Variants in WDR19 observed in about 807,000 individuals in gnomAD.
WDR19 encodes the protein WD repeat-containing protein 19.
In WDR19, 121 loss-of-function variants were observed where a neutral mutation model predicts 180.0. That is an observed-to-expected ratio of 0.67 (90% CI 0.58 to 0.78). WDR19 has a LOEUF of 0.78. Among genes scored for constraint, WDR19 ranks in the 30% least tolerant of loss-of-function variants. WDR19 has a pLI of 0.00. For synonymous variants in WDR19, 497 were observed against 540.7 expected (o/e 0.92, Z 1.12); for missense variants, 1,450 against 1,640.7 (o/e 0.88, Z 2.01).
chr4:39,201,302 T>C (rs936891263), intron 6 of WDR19, among the ~76,000 whole-genome samples: 1 of 152,106 alleles, frequency 6.6e-6, no homozygotes, highest in Non-Finnish European at 1.5e-5. Flanking sequence ...GTGTAAGAAA[T>C]TTGTAAAGGA....
intron 27 of WDR19, among the ~76,000 whole-genome samples, 200 bp from the exon 28 acceptor site, chr4:39,257,286 G>A (rs1349863320): frequency 6.6e-6 from 1 of 152,154 alleles, no homozygotes; most frequent in African/African-American, 2.4e-5. Context: ...TCTTCAGAGG[G>A]TTAACTGGGT....
chr4:39,221,836 T>C (rs78097758), intron 14 of WDR19, among the ~76,000 whole-genome samples: 1 of 152,252 alleles, frequency 6.6e-6, no homozygotes. Flanking sequence ...TGCTGTTGTG[T>C]GTGTCAGTAA....
chr4:39,233,500 C>A (rs554861230), intron 19 of WDR19, among the ~76,000 whole-genome samples: 2 of 152,128 alleles, frequency 1.3e-5, no homozygotes, highest in African/African-American at 4.8e-5. Context: ...TAGCACAGTG[C>A]CTGATCAATA....
Position 39,235,450 on chromosome 4 carries a change from A to G in WDR19, c.2363+575A>G, listed in dbSNP as rs149941416. 1.8e-4 allele frequency among the ~76,000 whole-genome samples: 28 copies of G among 152,240 alleles called. No individual in the cohort carries two copies. The East Asian group carries it at 5.4e-3, about 29-fold the overall frequency. On this transcript the variant is annotated intron_variant, in intron 20 of 36. Transcript: ENST00000399820. ...CAGCCTAATTATTATTTTTAATCAC[A>G]TGTGGCCATCAACAACTATGCATAG...
chr4:39,281,234 TATAGAGAGAG>T (rs1177219239), intron 36 of WDR19, among the ~76,000 whole-genome samples: 1 of 108,344 alleles, frequency 9.2e-6, no homozygotes, highest in Non-Finnish European at 1.8e-5. Flanking sequence ...TATATATATA[TATAGAGAGAG>T]AGAGAGAGAG....
At chr4:39,249,601 G>A (rs1732924541) in intron 24 of WDR19, among the ~76,000 whole-genome samples, 1 of 152,096 alleles carries the variant, frequency 6.6e-6, no homozygotes, top group African/African-American at 2.4e-5. Flanking sequence ...CCACTAGCAA[G>A]GCTAATAAAG....
At chr4:39,252,148 C>A (rs904595274) in intron 24 of WDR19, among the ~76,000 whole-genome samples, 1 of 151,610 alleles carries the variant, frequency 6.6e-6, no homozygotes, top group African/African-American at 2.4e-5. Flanking sequence ...GAAAATGTGG[C>A]ACATATACAT....
chr4:39,213,681 C>T (rs1477225723), intron 9 of WDR19, among the ~76,000 whole-genome samples: 1 of 152,288 alleles, frequency 6.6e-6, no homozygotes, highest in Non-Finnish European at 1.5e-5. Context: ...TCTCATGAAT[C>T]TCATGTGTGA....
intron 4 of WDR19, among the ~76,000 whole-genome samples, chr4:39,190,451 A>G (rs1309039626): frequency 2.0e-5 from 3 of 152,220 alleles, no homozygotes; most frequent in African/African-American, 7.2e-5. Context: ...AGCATTTCCA[A>G]CTAAAACTTT....
intron 29 of WDR19, among the ~76,000 whole-genome samples, chr4:39,267,600 T>C (rs1297505461): frequency 6.6e-6 from 1 of 152,240 alleles, no homozygotes; most frequent in Non-Finnish European, 1.5e-5. Context: ...TCATATATCA[T>C]GTAAGAATAT....
chr4:39,244,925 CTTTTTTTTTTTTCT>C (rs1732349683), intron 23 of WDR19, among the ~76,000 whole-genome samples: 1 of 133,892 alleles, frequency 7.5e-6, no homozygotes, highest in Non-Finnish European at 1.6e-5. Flanking sequence ...GATTTTCTTT[CTTTTTTTTTTTTCT>C]TTTTTTTTTT....
chr4:39,232,228 C>G lies in WDR19; in HGVS notation c.2209C>G (p.Gln737Glu), dbSNP rs1350826986. Residue 737 changes from glutamine to glutamate, a missense_variant, in exon 19 of 37, where the codon CAG becomes GAG. By Grantham distance (29) the Gln-to-Glu change is conservative. Coordinates refer to ENST00000399820, the MANE Select transcript of WDR19 (RefSeq NM_025132.4). The part of the protein sequence containing the change: ...AMFTNDYNLA[Q>E]DLYLASSCPI... ...GTTTACCAACGATTATAACCTGGCT[C>G]AGGACTTGTACCTTGCATCCAGCTG... 9.9e-6 allele frequency: 16 copies of G among 1,613,536 alleles called. No homozygotes were observed. The highest frequency in any genetic ancestry group is 1.3e-5 in the Non-Finnish European group (15 of 1,179,802).
At chr4:39,199,887 A>G (rs905626342) in intron 6 of WDR19, among the ~76,000 whole-genome samples, 1 of 152,184 alleles carries the variant, frequency 6.6e-6, no homozygotes, top group Non-Finnish European at 1.5e-5. Context: ...CTCTTATTTT[A>G]TATATGTGTA....
chr4:39,281,880 T>C (rs1161614832), intron 36 of WDR19, among the ~76,000 whole-genome samples: 3 of 152,204 alleles, frequency 2.0e-5, no homozygotes, highest in Non-Finnish European at 4.4e-5. Flanking sequence ...GGGAGGATTC[T>C]GATCTTTATG....
At chr4:39,212,593 A>G (rs1166031759) in intron 9 of WDR19, among the ~76,000 whole-genome samples, 1 of 152,202 alleles carries the variant, frequency 6.6e-6, no homozygotes, top group Admixed American at 6.5e-5. Flanking sequence ...GGAGTTTGAG[A>G]CCAACCTGGC....
chr4:39,183,746 A>C (rs1725220996), intron 1 of WDR19, among the ~76,000 whole-genome samples: 1 of 152,198 alleles, frequency 6.6e-6, no homozygotes, highest in South Asian at 2.1e-4. Flanking sequence ...GGCAATTTAA[A>C]CGACTTACTT....
At chr4:39,266,956 G>A (rs919015072) in intron 29 of WDR19, among the ~76,000 whole-genome samples, 3 of 152,164 alleles carry the variant, frequency 2.0e-5, no homozygotes, top group Non-Finnish European at 4.4e-5. Context: ...GGTGGCATGC[G>A]CCTATAGTCC....
chr4:39,249,000 A>G (rs573152043), intron 24 of WDR19, among the ~76,000 whole-genome samples: 162 of 152,108 alleles, frequency 1.1e-3, no homozygotes, highest in African/African-American at 3.4e-3. Context: ...TGCACCAAGC[A>G]GACCTAATAG....
chr4:39,275,165 C>T (rs1735777905), intron 33 of WDR19: 1 of 600,814 alleles, frequency 1.7e-6, no homozygotes, highest in Non-Finnish European at 2.9e-6. Context: ...TATGATGAAA[C>T]CCTATCTCTA....
Sources: allele counts gnomAD v4.1 joint callset (sites outside exome capture counted in the v4.1 genomes callset), GRCh38; gene constraint gnomAD v4.1.1; transcripts MANE v1.5; gene names NCBI Gene and HGNC (gene_info 2026-07-23, HGNC 2026-07-21).